PRUNE1: variants seen among roughly 807,000 people sequenced by gnomAD.
PRUNE1 encodes the protein exopolyphosphatase PRUNE1.
In PRUNE1, 25 loss-of-function variants were observed where a neutral mutation model predicts 42.5. That is an observed-to-expected ratio of 0.59 (90% CI 0.43 to 0.82). PRUNE1 has a LOEUF of 0.82. Among genes scored for constraint, PRUNE1 ranks in the 40% least tolerant of loss-of-function variants. PRUNE1 has a pLI of 0.00. For synonymous variants in PRUNE1, 203 were observed against 217.1 expected (o/e 0.93, Z 0.57); for missense variants, 443 against 539.3 (o/e 0.82, Z 1.77).
chr1:151,020,904 C>T (rs1488360168), intron 3 of PRUNE1, among the ~76,000 whole-genome samples: 1 of 151,728 alleles, frequency 6.6e-6, no homozygotes, highest in Non-Finnish European at 1.5e-5. Context: ...ATGGCATGAA[C>T]CCGGGAGGCG....
In PRUNE1 at chr1:151,017,859, G is replaced by A; in HGVS notation, c.87G>A (p.Leu29=). Residue 29 remains leucine (L), a synonymous_variant, in exon 2 of 8, where the codon TTG becomes TTA. Transcript: ENST00000271620. The part of the protein sequence containing the change: ...HVVLGNEACD[L]DSTVSALALA... ...TGCTGGGAAATGAAGCCTGTGATTT[G>A]GACTCCACAGTGTCTGCTCTTGCCC... 6.2e-7 allele frequency: 1 copy of A among 1,607,244 alleles called. No homozygotes were observed. Among genetic ancestry groups the A allele is most frequent in the Non-Finnish European group, 8.5e-7 (1 of 1,173,920 alleles).
intron 2 of PRUNE1, chr1:151,018,250 A>T (rs1017914824): frequency 6.9e-6 from 5 of 729,306 alleles, no homozygotes; most frequent in African/African-American, 1.7e-5. Context: ...TGCATCTAGA[A>T]ATAGGTATTT....
rs1045708020 is a variant in PRUNE1, at chr1:151,028,786, G to A, written c.775G>A (p.Ala259Thr). ...TCCCTCTCCGTTTCTTCCCTTTCAG[G>A]CCTTTCTGCAGAGGTCTAACCTCCT... ...AISAIYMDLE[A>T]FLQRSNLLAD... Residue 259 changes from alanine to threonine, a missense_variant and splice_region_variant, in exon 7 of 8, where the codon GCC (alanine) becomes ACC (threonine). Transcript: ENST00000271620. The A allele has an allele frequency of 1.2e-6, 2 of 1,612,800 alleles. No individual in the cohort carries two copies. Among genetic ancestry groups the A allele is most frequent in the African/African-American group, 2.7e-5 (2 of 74,820 alleles).
chr1:151,032,692 C>T (rs768689928), intron 7 of PRUNE1, among the ~76,000 whole-genome samples: 12 of 138,070 alleles, frequency 8.7e-5, no homozygotes, highest in East Asian at 2.2e-4. Flanking sequence ...CCAGCCTGGG[C>T]GACAGAGCAA....
Position 151,027,781 on chromosome 1 carries a change from T to TGTGTGCGC in PRUNE1, c.774+455_774+456insTGTGCGCG, listed in dbSNP as rs764369341. Among the ~76,000 whole-genome samples the TGTGTGCGC allele has an allele frequency of 1.1e-4, 15 of 142,602 alleles. No individual in the cohort carries two copies. The South Asian group carries it at 2.7e-3, about 26-fold the overall frequency. The allele number at this position is 142,602 out of a possible 152,430, so 93.6% of individuals were successfully genotyped here. On this transcript the variant is annotated intron_variant, in intron 6 of 7. Coordinates refer to ENST00000271620, the MANE Select transcript of PRUNE1 (RefSeq NM_021222.3). ...GTGTGTGTGTGTGTGTGTGTGTGTG[T>TGTGTGCGC]GCGCGCGCGTGTATGTATGTGTCGA...
chr1:151,029,085 G>T, intron 7 of PRUNE1, 141 bp downstream of exon 7: 2 of 783,872 alleles, frequency 2.6e-6, no homozygotes, highest in South Asian at 2.7e-5. Flanking sequence ...ACCTGTTTCT[G>T]GACCTGTTTC....
chr1:151,027,809 G>C (rs917788861), intron 6 of PRUNE1, among the ~76,000 whole-genome samples: 1 of 151,094 alleles, frequency 6.6e-6, no homozygotes, highest in Non-Finnish European at 1.5e-5. Context: ...TGTGTCGATG[G>C]GGTCTCACTA....
rs1558092608 is a variant in PRUNE1 at position 151,033,906 on chromosome 1, AG to A, written c.1036del (p.Val346SerfsTer21). 6.2e-7 allele frequency: 1 copy of A among 1,613,904 alleles called. No homozygotes were observed. The highest frequency in any genetic ancestry group is 2.2e-5 in the East Asian group (1 of 44,866). On this transcript the variant is annotated frameshift_variant, in exon 8 of 8. Transcript: ENST00000271620. LOFTEE classifies it high-confidence loss of function. ...CATGCCTATCTTCAAGGCAACACCC[AG>A]GTCTCTCGAAAGAAACTTCTGCCCC... is the stretch of plus-strand genomic sequence containing the variant. ...NLHAYLQGNT[Q>X]VSRKKLLPLL...
chr1:151,030,389 G>A (rs587697426), intron 7 of PRUNE1, among the ~76,000 whole-genome samples: 1 of 152,198 alleles, frequency 6.6e-6, no homozygotes, highest in South Asian at 2.1e-4. Flanking sequence ...AGGTATGTCT[G>A]TCCTTTCCCG....
chr1:151,027,882 C>T (rs587691419), intron 6 of PRUNE1, among the ~76,000 whole-genome samples: 1 of 152,116 alleles, frequency 6.6e-6, no homozygotes, highest in Admixed American at 6.6e-5. Context: ...CTCCGAAGTT[C>T]TGGGATTATA....
Position 151,034,373 on chromosome 1 carries a change from A to G in PRUNE1, c.*139A>G. 1 of 901,076 alleles carries G rather than the reference A, an allele frequency of 1.1e-6. No homozygotes were observed. The highest frequency in any genetic ancestry group is 1.6e-6 in the Non-Finnish European group (1 of 609,596). 55.8% of individuals were successfully genotyped at this position (901,076 alleles called of 1,614,324 possible). A position where few individuals can be genotyped will look rare whatever the true frequency, so the allele number is the denominator to read the frequency against. On this transcript the variant is annotated 3_prime_UTR_variant, in exon 8 of 8. Transcript: ENST00000271620. ...CTGTTCTCATAAAACTGAGAGGAGAAAAAAAGTGAAAGAAAGCAGCTGCTT... is the reference window on the plus strand; with the variant it reads ...CTGTTCTCATAAAACTGAGAGGAGAGAAAAAGTGAAAGAAAGCAGCTGCTT...
rs587775625 is a variant in PRUNE1, at chr1:151,033,954, C to T, written c.1082C>T (p.Ala361Val). 1.9e-6 allele frequency: 3 copies of T among 1,614,132 alleles called. No homozygotes were observed. The highest frequency in any genetic ancestry group is 2.2e-5 in the East Asian group (1 of 44,878). Residue 361 changes from alanine (A) to valine (V), a missense_variant, in exon 8 of 8, where the codon GCA (alanine) becomes GTA (valine). Coordinates refer to ENST00000271620, the MANE Select transcript of PRUNE1 (RefSeq NM_021222.3). ...LLPLLQEALS[A>V]YFDSMKIPSG... ...CCCCTGCTCCAGGAAGCCCTGTCAG[C>T]ATATTTTGACTCCATGAAGATCCCT...
chr1:151,024,575 C>T (rs781173251), intron 3 of PRUNE1, 36 bp from the exon 4 acceptor site: 3 of 1,552,796 alleles, frequency 1.9e-6, no homozygotes, highest in Non-Finnish European at 2.7e-6. Context: ...CCGTACCTAT[C>T]TTTCTTCCTC....
chr1:151,032,549 A>G (rs1675299886), intron 7 of PRUNE1, among the ~76,000 whole-genome samples: 1 of 151,962 alleles, frequency 6.6e-6, no homozygotes. Flanking sequence ...CCCCGTCTCC[A>G]CTAAAAATAC....
intron 5 of PRUNE1, among the ~76,000 whole-genome samples, chr1:151,026,414 C>T (rs1020642013): frequency 5.9e-5 from 9 of 151,760 alleles, no homozygotes; most frequent in African/African-American, 7.3e-5. Flanking sequence ...GCCGAGATTG[C>T]GCCATTGTAC....
chr1:151,030,673 A>G (rs935597480), intron 7 of PRUNE1, among the ~76,000 whole-genome samples: 3 of 152,068 alleles, frequency 2.0e-5, no homozygotes, highest in Non-Finnish European at 4.4e-5. Flanking sequence ...TTTAGTAGAG[A>G]TGGGGTTTCA....
chr1:151,012,225 G>A (rs976535702), intron 1 of PRUNE1, among the ~76,000 whole-genome samples: 2 of 152,112 alleles, frequency 1.3e-5, no homozygotes, highest in African/African-American at 4.8e-5. Context: ...TTCTCTGATG[G>A]TCAGAAAACT....
intron 3 of PRUNE1, among the ~76,000 whole-genome samples, chr1:151,024,314 G>A (rs1366539453): frequency 1.3e-5 from 2 of 151,884 alleles, no homozygotes; most frequent in African/African-American, 4.8e-5. Context: ...CCAACATGGC[G>A]AAACCCCATC....
chr1:151,027,765 T>C (rs1427716106), intron 6 of PRUNE1, among the ~76,000 whole-genome samples: 1 of 148,104 alleles, frequency 6.8e-6, no homozygotes, highest in Non-Finnish European at 1.5e-5. Context: ...TGTGTGTGTG[T>C]GTGTGTGTGT....
Sources: gnomAD v4.1 joint callset for allele counts (sites outside exome capture counted in the v4.1 genomes callset) on GRCh38, gnomAD v4.1.1 for gene constraint, MANE v1.5 for transcripts, NCBI Gene and HGNC (gene_info 2026-07-23, HGNC 2026-07-21) for gene names.